The following SCLY variants were observed in gnomAD, a reference collection of about 807,000 sequenced individuals.
SCLY encodes selenocysteine lyase.
SCLY carries 38 observed loss-of-function variants against 50.1 expected under a neutral mutation model. The observed-to-expected ratio is 0.76, with a 90% CI of 0.59 to 0.99. The LOEUF (loss-of-function observed/expected upper bound fraction) is 0.99, where lower values mean the gene tolerates loss of function less well. SCLY is among the 50% of genes least tolerant of loss of function. The pLI, the probability that SCLY is intolerant of heterozygous loss-of-function variation, is 0.00. For missense variants in SCLY, 600 were observed against 620.0 expected, an observed-to-expected ratio of 0.97 and a Z score of 0.34; for synonymous variants, 243 against 249.4, an observed-to-expected ratio of 0.97 and a Z score of 0.24.
chr2:238,066,849 C>T lies in SCLY; in HGVS notation c.203-1216C>T, dbSNP rs868157998. Among the ~76,000 whole-genome samples the T allele has an allele frequency of 1.3e-5, 2 of 152,132 alleles. No homozygotes were observed. The highest frequency in any genetic ancestry group is 2.9e-5 in the Non-Finnish European group (2 of 68,032). ...TCACAGTTTCCCATGGCTGGGGAGG[C>T]CCCACAATCACGGAGGAAGGCGAAA... On this transcript the variant is annotated intron_variant, in intron 2 of 11. Coordinates refer to ENST00000254663, the MANE Select transcript of SCLY (RefSeq NM_016510.7). The surrounding 1 kb of genome is among the most constrained non-coding windows in gnomAD (Gnocchi z 4.1).
At chr2:238,081,480 G>T in intron 4 of SCLY, 1 of 502,796 alleles carries the variant, frequency 2.0e-6, no homozygotes, top group Non-Finnish European at 3.5e-6. Flanking sequence ...CAGCTTCCAC[G>T]ACACAGATTC....
intron 1 of SCLY, among the ~76,000 whole-genome samples, chr2:238,063,311 G>C (rs2065036561): frequency 3.3e-5 from 5 of 150,774 alleles, no homozygotes; most frequent in Admixed American, 3.3e-4. Flanking sequence ...AGAGTGCAGT[G>C]ATATGATCTC....
intron 4 of SCLY, among the ~76,000 whole-genome samples, chr2:238,070,272 T>C (rs1410527704): frequency 6.6e-6 from 1 of 152,248 alleles, no homozygotes; most frequent in Non-Finnish European, 1.5e-5. Context: ...CTGAGTTTTC[T>C]TGTGTAATCT....
In SCLY at chr2:238,068,118, A is replaced by G. The variant is rs748967795; in HGVS notation, c.256A>G (p.Ile86Val). ...AGCTCGGGAAAGCCTCGCGAAGATG[A>G]TAGGGGGGAAACCTCAAGATATAAT... ...NAARESLAKMIGGKPQDIIFT... is the reference protein window; with the variant it reads ...NAARESLAKMVGGKPQDIIFT... The change falls in exon 3 of 12, where the codon ATA becomes GTA. Residue 86 changes from isoleucine to valine, a missense_variant. Ile to Val is a conservative substitution (Grantham distance 29). Coordinates refer to ENST00000254663, the MANE Select transcript of SCLY (RefSeq NM_016510.7). 2.5e-6 allele frequency: 4 copies of G among 1,611,946 alleles called. No homozygotes were observed. In the South Asian group the frequency reaches 3.3e-5, roughly 13 times the overall value.
In SCLY at chr2:238,098,580, A is replaced by ACCGCCCACATGGGACCGCCCACATAGAC. The variant is rs1691307613; in HGVS notation, c.*235_*236insGGGACCGCCCACATAGACCCGCCCACAT. 2.4e-6 allele frequency: 1 copy of ACCGCCCACATGGGACCGCCCACATAGAC among 421,196 alleles called. No homozygotes were observed. Among genetic ancestry groups the ACCGCCCACATGGGACCGCCCACATAGAC allele is most frequent in the Admixed American group, 4.1e-5 (1 of 24,358 alleles). The allele number at this position is 421,196 out of a possible 1,614,324, so 26.1% of individuals were successfully genotyped here. ...CGCCGCATAGGACTGCCCACATGGG[A>ACCGCCCACATGGGACCGCCCACATAGAC]CCGCCCACATAGGACCGCCCACATA... On this transcript the variant is annotated 3_prime_UTR_variant, in exon 12 of 12. Coordinates refer to ENST00000254663, the MANE Select transcript of SCLY (RefSeq NM_016510.7).
rs557503974 is a variant in SCLY at position 238,096,660 on chromosome 2, C to T, written c.1109-141C>T. 1,943 of 877,410 alleles carry T rather than the reference C, an allele frequency of 2.2e-3. 6 individuals are homozygous for T. Among genetic ancestry groups the T allele is most frequent in the South Asian group, 3.3e-3 (213 of 65,512 alleles). The allele number at this position is 877,410 out of a possible 1,614,324, so 54.4% of individuals were successfully genotyped here. The stretch of plus-strand genomic sequence containing the variant: ...CTCCTGCTGTGAGATCTCTCCCCAG[C>T]TGCCAGAATGGCCAGTGCTGGAATT... On this transcript the variant is annotated intron_variant, in intron 10 of 11. Coordinates refer to ENST00000254663, the MANE Select transcript of SCLY (RefSeq NM_016510.7).
At chr2:238,077,900 C>T (rs1389555474) in intron 4 of SCLY, among the ~76,000 whole-genome samples, 1 of 151,698 alleles carries the variant, frequency 6.6e-6, no homozygotes, top group African/African-American at 2.4e-5. Context: ...GGAAGGTTAA[C>T]TAGGCCCAGC....
In SCLY at chr2:238,062,209, A is replaced by G. The variant is rs552206087; in HGVS notation, c.89+1066A>G. Among the ~76,000 whole-genome samples, 16 of 152,336 alleles carry G rather than the reference A, an allele frequency of 1.1e-4. 1 individual carries two copies. In the South Asian group the frequency reaches 3.1e-3, roughly 30 times the overall value. On this transcript the variant is annotated intron_variant, in intron 1 of 11. Coordinates refer to ENST00000254663, the MANE Select transcript of SCLY (RefSeq NM_016510.7). ...ATAGATTTGTTCAGCCCAGCAGCAG[A>G]TTGAAGAGCTACAGTCGCTCAACAA...
chr2:238,089,767 A>G (rs985934359), intron 7 of SCLY, among the ~76,000 whole-genome samples: 1 of 151,954 alleles, frequency 6.6e-6, no homozygotes, highest in African/African-American at 2.4e-5. Context: ...CTTACACCTC[A>G]TAAAATAGTG....
chr2:238,075,044 G>C (rs1253832391), intron 4 of SCLY, among the ~76,000 whole-genome samples: 2 of 152,092 alleles, frequency 1.3e-5, no homozygotes, highest in Admixed American at 1.3e-4. Context: ...GTTAGCTGTG[G>C]GTTTTTTATA....
intron 8 of SCLY, 112 bp downstream of exon 8, chr2:238,091,366 C>A: frequency 1.1e-6 from 1 of 885,324 alleles, no homozygotes; most frequent in Non-Finnish European, 1.9e-6. Context: ...ATCTCATAAG[C>A]GGACTGACAA....
chr2:238,071,845 C>T (rs2065130881), intron 4 of SCLY, among the ~76,000 whole-genome samples: 1 of 152,186 alleles, frequency 6.6e-6, no homozygotes, highest in Non-Finnish European at 1.5e-5. Context: ...CCTCTGTCTC[C>T]ACACATCCCA....
At chr2:238,081,972 C>T in intron 5 of SCLY, 73 bp from the exon 6 acceptor site, 1 of 1,582,024 alleles carries the variant, frequency 6.3e-7, no homozygotes, top group East Asian at 2.3e-5. Flanking sequence ...CCTGCGCTCA[C>T]TACTCCTGAT....
Position 238,098,563 on chromosome 2 carries a change from A to AACGCCCACATG in SCLY, c.*208_*209insACGCCCACATG. The AACGCCCACATG allele has an allele frequency of 2.7e-6, 1 of 374,066 alleles. No individual in the cohort carries two copies. The highest frequency in any genetic ancestry group is 4.3e-6 in the Non-Finnish European group (1 of 234,798). 23.2% of individuals were successfully genotyped at this position (374,066 alleles called of 1,614,324 possible). A position where few individuals can be genotyped will look rare whatever the true frequency, so the allele number is the denominator to read the frequency against. ...AGGGCCCAGGACACCAACGCCGCAT[A>AACGCCCACATG]GGACTGCCCACATGGGACCGCCCAC... On this transcript the variant is annotated 3_prime_UTR_variant, in exon 12 of 12. Transcript: ENST00000254663.
At chr2:238,091,101 G>A (rs936474004) in intron 7 of SCLY, 117 bp from the exon 8 acceptor site, 36 of 965,204 alleles carry the variant, frequency 3.7e-5, no homozygotes, top group African/African-American at 3.0e-4. Flanking sequence ...CACATGGCGC[G>A]TGCTTAGGAA....
At position 238,066,690 on chromosome 2, in the gene SCLY, A is replaced by G. The variant is rs548779267; in HGVS notation, c.203-1375A>G. Among the ~76,000 whole-genome samples the G allele has an allele frequency of 1.3e-5, 2 of 152,282 alleles. No homozygotes were observed. Among genetic ancestry groups the G allele is most frequent in the African/African-American group, 4.8e-5 (2 of 41,568 alleles). On this transcript the variant is annotated intron_variant, in intron 2 of 11. Coordinates refer to ENST00000254663, the MANE Select transcript of SCLY (RefSeq NM_016510.7). The surrounding 1 kb of genome is among the most constrained non-coding windows in gnomAD (Gnocchi z 4.1). ...TTAATTGGCGGGGAATGAAAAGGGA[A>G]AGAGCCCACGCTTTTGCCCTGGGCT...
intron 4 of SCLY, among the ~76,000 whole-genome samples, chr2:238,075,646 AT>A (rs1348822762): frequency 2.6e-5 from 4 of 151,958 alleles, no homozygotes; most frequent in African/African-American, 9.7e-5. Context: ...TTGTTATCTA[AT>A]TTTATTGGCA....
chr2:238,091,536 A>C, intron 8 of SCLY: 20 of 453,796 alleles, frequency 4.4e-5, no homozygotes, highest in Admixed American at 1.4e-4. Context: ...TGAAGTGTCA[A>C]GCTGCAGGTT....
intron 3 of SCLY, among the ~76,000 whole-genome samples, chr2:238,068,390 A>G (rs148505013): frequency 1.8e-3 from 274 of 152,196 alleles, no homozygotes; most frequent in African/African-American, 6.4e-3. Context: ...CTCTACAAAA[A>G]AAAAAAAAAT....
Sources: allele counts gnomAD v4.1 joint callset (sites outside exome capture counted in the v4.1 genomes callset), GRCh38; gene constraint gnomAD v4.1.1; non-coding constraint Gnocchi (gnomAD v3.1); transcripts MANE v1.5; gene names NCBI Gene and HGNC (gene_info 2026-07-23, HGNC 2026-07-21).